SAMMSON: variants seen among roughly 807,000 people sequenced by gnomAD.
SAMMSON encodes the protein long intergenic non-protein coding RNA 1212.
chr3:70,266,060 A>T (rs6419774), intron 6 of SAMMSON, among the ~76,000 whole-genome samples: 151,366 of 152,326 alleles, frequency 0.99, 75,213 homozygotes, highest in Non-Finnish European at 1. Flanking sequence ...AAAGAGAATG[A>T]GAAATCTCTT....
intron 4 of SAMMSON, among the ~76,000 whole-genome samples, chr3:70,174,717 A>G (rs1179608754): frequency 2.6e-5 from 4 of 151,612 alleles, no homozygotes; most frequent in Admixed American, 1.3e-4. Context: ...TTGACTTTCT[A>G]TCCCTTCAAT....
chr3:70,208,906 A>T (rs1192020041), intron 4 of SAMMSON, among the ~76,000 whole-genome samples: 4 of 152,016 alleles, frequency 2.6e-5, no homozygotes. Flanking sequence ...CATCCACCAT[A>T]AAAGGGATTG....
At chr3:70,371,579 G>C (rs1702970262) in intron 9 of SAMMSON, among the ~76,000 whole-genome samples, 1 of 151,462 alleles carries the variant, frequency 6.6e-6, no homozygotes, top group African/African-American at 2.4e-5. Context: ...TTATTCCTAG[G>C]CATTTTATTT....
At position 70,173,521 on chromosome 3, in the gene SAMMSON, A is replaced by G. The variant is rs9824129; in HGVS notation, n.508-75586A>G. On this transcript the variant is annotated intron_variant and non_coding_transcript_variant, in intron 4 of 9. Coordinates refer to ENST00000642114, the Ensembl canonical transcript of SAMMSON. The stretch of plus-strand genomic sequence containing the variant: ...GTTTTAAATCCCCTGTCTAGGCATT[A>G]TATTATCCTTGATCTTTACCTCATC... Among the ~76,000 whole-genome samples, 798 of 152,030 alleles carry G rather than the reference A, an allele frequency of 5.2e-3. 5 individuals carry two copies. The highest frequency in any genetic ancestry group is 0.018 in the African/African-American group (753 of 41,530).
chr3:70,422,168 G>A (rs988216593), intron 2 of SAMMSON, among the ~76,000 whole-genome samples: 32 of 151,890 alleles, frequency 2.1e-4, no homozygotes, highest in African/African-American at 7.5e-4. Flanking sequence ...GGTGTATATG[G>A]GAAAATGAAT....
chr3:70,149,294 G>A (rs1299148096), intron 4 of SAMMSON, among the ~76,000 whole-genome samples: 1 of 152,050 alleles, frequency 6.6e-6, no homozygotes, highest in Non-Finnish European at 1.5e-5. Flanking sequence ...TCTGTTAGGG[G>A]ACAAAGCAGA....
chr3:70,431,638 G>T (rs1701413295), intron 2 of SAMMSON, among the ~76,000 whole-genome samples: 1 of 151,968 alleles, frequency 6.6e-6, no homozygotes, highest in South Asian at 2.1e-4. Flanking sequence ...ACAATTCACA[G>T]ATCTTAAGTC....
At chr3:70,265,953 C>T (rs1701913280) in intron 6 of SAMMSON, among the ~76,000 whole-genome samples, 1 of 152,132 alleles carries the variant, frequency 6.6e-6, no homozygotes, top group Non-Finnish European at 1.5e-5. Context: ...TGGTCTCCCC[C>T]TTGACACGTG....
intron 4 of SAMMSON, among the ~76,000 whole-genome samples, chr3:70,203,189 A>G (rs1701258036): frequency 6.6e-6 from 1 of 152,130 alleles, no homozygotes. Flanking sequence ...AAAAGAAAAG[A>G]GCCAGCATGA....
intron 4 of SAMMSON, among the ~76,000 whole-genome samples, chr3:70,200,809 G>T (rs1701229762): frequency 6.6e-6 from 1 of 152,132 alleles, no homozygotes; most frequent in African/African-American, 2.4e-5. Flanking sequence ...TTCAGGGATT[G>T]TTTCTGACTG....
At chr3:70,417,729 G>C (rs557405817) in intron 2 of SAMMSON, among the ~76,000 whole-genome samples, 13 of 152,074 alleles carry the variant, frequency 8.5e-5, no homozygotes, top group African/African-American at 3.1e-4. Flanking sequence ...CATGATTATA[G>C]ACACTTTGAT....
intron 6 of SAMMSON, among the ~76,000 whole-genome samples, chr3:70,252,322 A>G (rs1701777230): frequency 6.6e-6 from 1 of 152,182 alleles, no homozygotes; most frequent in South Asian, 2.1e-4. Flanking sequence ...TGTGGCGTAC[A>G]ATTCTCCCAT....
chr3:70,226,200 T>C (rs1284736032), intron 4 of SAMMSON, among the ~76,000 whole-genome samples: 1 of 152,192 alleles, frequency 6.6e-6, no homozygotes, highest in Admixed American at 6.5e-5. Flanking sequence ...TGAATCTTCA[T>C]AAAGTGCCAG....
intron 3 of SAMMSON, among the ~76,000 whole-genome samples, chr3:70,051,747 TGGTGGA>T (rs895425181): frequency 2.9e-4 from 15 of 52,392 alleles, no homozygotes; most frequent in Non-Finnish European, 4.8e-4. Flanking sequence ...AAATTTATGT[TGGTGGA>T]GTTCTGACAT....
At chr3:70,157,783 G>A (rs914271766) in intron 4 of SAMMSON, among the ~76,000 whole-genome samples, 1 of 151,984 alleles carries the variant, frequency 6.6e-6, no homozygotes, top group African/African-American at 2.4e-5. Context: ...TTCTCATAAC[G>A]ATCTTGCAAG....
At chr3:70,132,851 G>A (rs187346753) in intron 4 of SAMMSON, among the ~76,000 whole-genome samples, 86 of 151,676 alleles carry the variant, frequency 5.7e-4, no homozygotes, top group Admixed American at 4.3e-3. Context: ...TGCAATGTTT[G>A]AAGTTTCTTT....
chr3:70,407,425 C>T (rs1333429255), intron 2 of SAMMSON, among the ~76,000 whole-genome samples: 1 of 152,200 alleles, frequency 6.6e-6, no homozygotes, highest in African/African-American at 2.4e-5. Flanking sequence ...AAGCTGGTTA[C>T]TTCCTAGATA....
intron 3 of SAMMSON, among the ~76,000 whole-genome samples, chr3:70,020,171 G>A (rs570948568): frequency 1.1e-4 from 17 of 152,094 alleles, no homozygotes; most frequent in Non-Finnish European, 1.8e-4. Context: ...AAATCCCCAC[G>A]TCAATTTTGC....
intron 4 of SAMMSON, among the ~76,000 whole-genome samples, chr3:70,124,093 C>G (rs1011130612): frequency 2.0e-5 from 3 of 152,294 alleles, no homozygotes; most frequent in East Asian, 3.9e-4. Flanking sequence ...CCTTGGTTTC[C>G]TGAACATTCT....
Sources: allele counts gnomAD v4.1 joint callset (sites outside exome capture counted in the v4.1 genomes callset), GRCh38; gene constraint gnomAD v4.1.1; transcripts MANE v1.5; gene names NCBI Gene and HGNC (gene_info 2026-07-23, HGNC 2026-07-21).